Variants in FOXN3 observed in about 807,000 individuals in gnomAD.
FOXN3 encodes forkhead box protein N3.
A neutral mutation model predicts 38.4 loss-of-function variants in FOXN3; 7 were observed. The observed-to-expected ratio is 0.18, with a 90% CI of 0.10 to 0.34. The LOEUF (loss-of-function observed/expected upper bound fraction) is 0.34, where lower values mean the gene tolerates loss of function less well. FOXN3 is among the 10% of genes least tolerant of loss of function. FOXN3 has a pLI of 1.00. For missense variants in FOXN3, 456 were observed against 613.4 expected, an observed-to-expected ratio of 0.74 and a Z score of 2.71; for synonymous variants, 230 against 242.2, an observed-to-expected ratio of 0.95 and a Z score of 0.47.
At chr14:89,487,383 G>A (rs895805373) in intron 1 of FOXN3, among the ~76,000 whole-genome samples, 5 of 152,118 alleles carry the variant, frequency 3.3e-5, no homozygotes, top group Admixed American at 1.3e-4. Flanking sequence ...TTAGATCGGC[G>A]GTTCCCAAAC....
intron 1 of FOXN3, among the ~76,000 whole-genome samples, chr14:89,529,446 T>C (rs1894508790): frequency 6.6e-6 from 1 of 152,242 alleles, no homozygotes; most frequent in Non-Finnish European, 1.5e-5. Context: ...TAGATGCTTT[T>C]ACTGTCTTCC....
intron 3 of FOXN3, among the ~76,000 whole-genome samples, chr14:89,328,935 G>T (rs777555869): frequency 5.9e-4 from 90 of 152,196 alleles, no homozygotes; most frequent in Non-Finnish European, 1.8e-4. Context: ...CATGGGACTG[G>T]CACAGAAGGA....
In FOXN3 at chr14:89,594,754, C is replaced by T. The variant is rs79822353; in HGVS notation, c.-15+24274G>A. ...TATAATTGGTTCTTTTGGGTCCTGG[C>T]GCACACCTGTAATCCCAGCTACTTG... is the stretch of plus-strand genomic sequence containing the variant. On this transcript the variant is annotated intron_variant, in intron 1 of 6. Coordinates refer to the FOXN3 transcript ENST00000345097. Among the ~76,000 whole-genome samples, 157 of 152,102 alleles carry T rather than the reference C, an allele frequency of 1.0e-3. 2 individuals are homozygous for T. The East Asian group carries it at 0.029, about 28-fold the overall frequency.
At chr14:89,195,507 C>T (rs6575043) in intron 4 of FOXN3, among the ~76,000 whole-genome samples, 74,386 of 151,996 alleles carry the variant, frequency 0.49, 19,279 homozygotes, top group African/African-American at 0.67. Context: ...TGGCTGGAAG[C>T]ATTTCAGGGA....
intron 3 of FOXN3, among the ~76,000 whole-genome samples, chr14:89,301,312 GAA>G (rs55764743): frequency 6.6e-4 from 96 of 145,928 alleles, no homozygotes; most frequent in South Asian, 1.1e-3. Flanking sequence ...CTCTACAAAA[GAA>G]AAAAAAAAAA....
At chr14:89,310,186 G>A (rs1887493975) in intron 3 of FOXN3, among the ~76,000 whole-genome samples, 1 of 152,172 alleles carries the variant, frequency 6.6e-6, no homozygotes, top group Non-Finnish European at 1.5e-5. Flanking sequence ...TTAGGGAGGG[G>A]GATATGGCTT....
At chr14:89,438,679 G>C (rs905290375) in intron 1 of FOXN3, among the ~76,000 whole-genome samples, 1 of 152,006 alleles carries the variant, frequency 6.6e-6, no homozygotes. Flanking sequence ...AAGGTTGTCA[G>C]TTTCTTAAAC....
chr14:89,448,397 A>G (rs983778188), intron 1 of FOXN3, among the ~76,000 whole-genome samples: 1 of 152,096 alleles, frequency 6.6e-6, no homozygotes, highest in African/African-American at 2.4e-5. Flanking sequence ...CTGGGAAGTC[A>G]GCAGGACCAT....
At chr14:89,385,250 TA>T (rs1477676870) in intron 2 of FOXN3, among the ~76,000 whole-genome samples, 2 of 152,088 alleles carry the variant, frequency 1.3e-5, no homozygotes. Flanking sequence ...GAATACTGGC[TA>T]ATACCTACAT....
chr14:89,276,836 A>G (rs1316491274), intron 4 of FOXN3, among the ~76,000 whole-genome samples: 1 of 152,252 alleles, frequency 6.6e-6, no homozygotes, highest in Non-Finnish European at 1.5e-5. Flanking sequence ...CTCTGAGGCC[A>G]ACAGGGCCTA....
intron 1 of FOXN3, among the ~76,000 whole-genome samples, chr14:89,529,123 A>T (rs1228503946): frequency 2.6e-5 from 4 of 152,162 alleles, no homozygotes; most frequent in Non-Finnish European, 4.4e-5. Context: ...GCTATAATCC[A>T]TTACCCATCA....
chr14:89,506,319 GGA>G (rs1893933712), intron 1 of FOXN3, among the ~76,000 whole-genome samples: 1 of 97,304 alleles, frequency 1.0e-5, no homozygotes, highest in Non-Finnish European at 2.6e-5. Flanking sequence ...CGTCCGGGAG[GGA>G]GGTGGGGGGG....
intron 4 of FOXN3, among the ~76,000 whole-genome samples, chr14:89,186,288 G>T (rs529441742): frequency 3.9e-5 from 6 of 152,106 alleles, no homozygotes; most frequent in African/African-American, 1.4e-4. Flanking sequence ...GGGGAGGAAC[G>T]CCTTCCCCCA....
chr14:89,374,477 G>A (rs1055008711), intron 2 of FOXN3, among the ~76,000 whole-genome samples: 1 of 152,002 alleles, frequency 6.6e-6, no homozygotes, highest in Non-Finnish European at 1.5e-5. Context: ...GTAAAAGAAT[G>A]TTTAGAGCAG....
At chr14:89,293,969 A>G (rs1886957909) in intron 3 of FOXN3, among the ~76,000 whole-genome samples, 1 of 152,180 alleles carries the variant, frequency 6.6e-6, no homozygotes, top group Admixed American at 6.5e-5. Context: ...AACAGAAGAA[A>G]ACAACGGACC....
chr14:89,349,273 G>A (rs962550454), intron 3 of FOXN3, among the ~76,000 whole-genome samples: 2 of 152,194 alleles, frequency 1.3e-5, no homozygotes, highest in Non-Finnish European at 2.9e-5. Context: ...TGTCTACTAT[G>A]TTGGCTGGGC....
intron 1 of FOXN3, among the ~76,000 whole-genome samples, chr14:89,602,583 G>GC (rs1896176115): frequency 6.6e-6 from 1 of 151,310 alleles, no homozygotes; most frequent in Non-Finnish European, 1.5e-5. Context: ...TGCAACCTCC[G>GC]CCCCCCGAGT....
rs753977183 is a variant in FOXN3 at position 89,442,595 on chromosome 14, C to T, written c.-14-30105G>A. Among the ~76,000 whole-genome samples, 21 of 152,290 alleles carry T rather than the reference C, an allele frequency of 1.4e-4. No individual in the cohort carries two copies. The South Asian group carries it at 2.5e-3, about 18-fold the overall frequency. ...GCCAAGTGAGAGACTGATGGATGTG[C>T]TCTGGGAAACAACGGATCCCTGAGT... On this transcript the variant is annotated intron_variant, in intron 1 of 6. Coordinates refer to the FOXN3 transcript ENST00000345097.
chr14:89,574,937 G>C (rs1322075801), intron 1 of FOXN3, among the ~76,000 whole-genome samples: 1 of 152,076 alleles, frequency 6.6e-6, no homozygotes, highest in African/African-American at 2.4e-5. Context: ...GGAAAGGAAG[G>C]GTGTACTGGA....
Sources: gnomAD v4.1 joint callset for allele counts (sites outside exome capture counted in the v4.1 genomes callset) on GRCh38, gnomAD v4.1.1 for gene constraint, MANE v1.5 for transcripts, NCBI Gene and HGNC (gene_info 2026-07-23, HGNC 2026-07-21) for gene names.